Variants in SMYD4 observed in about 807,000 individuals in gnomAD.
The protein encoded by SMYD4 is protein-lysine N-methyltransferase SMYD4.
In SMYD4, 68 loss-of-function variants were observed where a neutral mutation model predicts 72.8. That is an observed-to-expected ratio of 0.93 (90% CI 0.77 to 1.14). The LOEUF is 1.14. Ranked by LOEUF, SMYD4 falls within the 50% of genes most tolerant of loss-of-function variation. The pLI is 0.00. For synonymous variants in SMYD4, 407 were observed against 388.6 expected (o/e 1.05, Z -0.56); for missense variants, 984 against 1,003.7 (o/e 0.98, Z 0.27).
At chr17:1,792,106 G>A (rs1454655615) in intron 5 of SMYD4, among the ~76,000 whole-genome samples, 1 of 151,550 alleles carries the variant, frequency 6.6e-6, no homozygotes, top group Non-Finnish European at 1.5e-5. Context: ...GCAGGGGCGC[G>A]ATCGCGGCTC....
At chr17:1,826,217 G>C (rs568252334) in intron 2 of SMYD4, among the ~76,000 whole-genome samples, 1 of 152,166 alleles carries the variant, frequency 6.6e-6, no homozygotes, top group Non-Finnish European at 1.5e-5. Context: ...GGGGGGCCGG[G>C]CGCAGTGGCT....
At chr17:1,827,444 G>A (rs777755303) in intron 2 of SMYD4, among the ~76,000 whole-genome samples, 1 of 151,434 alleles carries the variant, frequency 6.6e-6, no homozygotes, top group Non-Finnish European at 1.5e-5. Flanking sequence ...AGTCAAAAGA[G>A]CACACACATA....
intron 2 of SMYD4, among the ~76,000 whole-genome samples, chr17:1,822,115 T>C (rs1040153393): frequency 1.3e-5 from 2 of 151,208 alleles, no homozygotes; most frequent in East Asian, 1.9e-4. Flanking sequence ...ATGCCTGTAA[T>C]CCCAGCTACT....
rs991893991 is a variant in SMYD4 at position 1,808,567 on chromosome 17, A to G, written c.279+3404T>C. ...TTACAATCAGACAAAAACAACAAAT[A>G]TTTTTAAAAAGAAAGAAAATAGCAG... On this transcript the variant is annotated intron_variant, in intron 3 of 10. Coordinates refer to ENST00000305513, the MANE Select transcript of SMYD4 (RefSeq NM_052928.3). Among the ~76,000 whole-genome samples, 11 of 152,162 alleles carry G rather than the reference A, an allele frequency of 7.2e-5. 1 individual carries two copies. The highest frequency in any genetic ancestry group is 7.2e-4 in the Admixed American group (11 of 15,250).
chr17:1,800,270 C>A lies in SMYD4; in HGVS notation c.1124G>T (p.Ser375Ile). 1 of 1,614,168 alleles carries A rather than the reference C, an allele frequency of 6.2e-7. No individual in the cohort carries two copies. The highest frequency in any genetic ancestry group is 8.5e-7 in the Non-Finnish European group (1 of 1,180,044). The change falls in exon 5 of 11, where the codon AGT (serine) becomes ATT (isoleucine). Residue 375 changes from serine (S) to isoleucine (I), a missense_variant. Transcript: ENST00000305513. ...TTCAGGTAAACAGATGTCCTTGTTA[C>A]TAATCTTATCACAAAGCTTCGTTAT... ...KIITKLCDKI[S>I]NKDICLPESN...
chr17:1,785,850 G>C (rs1908660273), intron 7 of SMYD4, among the ~76,000 whole-genome samples: 1 of 151,968 alleles, frequency 6.6e-6, no homozygotes, highest in Non-Finnish European at 1.5e-5. Context: ...TCCAAGTTTA[G>C]CTTTCTAACA....
chr17:1,824,973 C>A (rs988875661), intron 2 of SMYD4, among the ~76,000 whole-genome samples: 1 of 152,140 alleles, frequency 6.6e-6, no homozygotes, highest in African/African-American at 2.4e-5. Context: ...CAGCACTTCT[C>A]CTTCCTGCCA....
chr17:1,784,820 A>G (rs1191410034), intron 7 of SMYD4, among the ~76,000 whole-genome samples: 2 of 151,920 alleles, frequency 1.3e-5, no homozygotes, highest in East Asian at 2.0e-4. Context: ...TCCAGGCTGG[A>G]GTGCAGTGGT....
chr17:1,797,854 T>C (rs2151231367), intron 5 of SMYD4, among the ~76,000 whole-genome samples: 1 of 151,852 alleles, frequency 6.6e-6, no homozygotes, highest in East Asian at 2.0e-4. Flanking sequence ...ATACAAAAAT[T>C]AGCTGGGCGT....
intron 5 of SMYD4, among the ~76,000 whole-genome samples, chr17:1,799,131 C>T (rs769531725): frequency 1.6e-3 from 239 of 149,232 alleles, no homozygotes; most frequent in Middle Eastern, 7.4e-3. Context: ...TGGTGGCGGG[C>T]GCCTGTAGTC....
intron 2 of SMYD4, among the ~76,000 whole-genome samples, chr17:1,820,967 A>G (rs1006894942): frequency 1.3e-5 from 2 of 152,194 alleles, no homozygotes; most frequent in African/African-American, 4.8e-5. Flanking sequence ...TAGCTCTTTG[A>G]GCTAACTTGT....
chr17:1,795,860 T>TA lies in SMYD4; in HGVS notation c.1537+3996dup, dbSNP rs1909382480. Among the ~76,000 whole-genome samples, 2 of 152,004 alleles carry TA rather than the reference T, an allele frequency of 1.3e-5. 1 individual carries two copies. Among genetic ancestry groups the TA allele is most frequent in the South Asian group, 4.1e-4 (2 of 4,822 alleles). ...CTGTGTGAATAAGTGTTTTTAATGT[T>TA]AAAAAATCAGAAAAGTTCAAAGAAG... On this transcript the variant is annotated intron_variant, in intron 5 of 10. Coordinates refer to ENST00000305513, the MANE Select transcript of SMYD4 (RefSeq NM_052928.3).
chr17:1,817,933 G>A (rs959922434), intron 2 of SMYD4, among the ~76,000 whole-genome samples: 5 of 151,298 alleles, frequency 3.3e-5, no homozygotes, highest in South Asian at 2.1e-4. Context: ...TGTAGTCCCA[G>A]CTACTCGGGA....
rs1369926100 is a variant in SMYD4 at position 1,800,543 on chromosome 17, T to C, written c.851A>G (p.Lys284Arg). ...LPPPHHGLDS[K>R]WDTRVTNGDL... ...CCCATTGGTGACTCTGGTGTCCCAT[T>C]TGCTGTCTAGGCCGTGATGCGGTGG... is the stretch of plus-strand genomic sequence containing the variant. Residue 284 changes from lysine to arginine, a missense_variant, in exon 5 of 11, where the codon AAA becomes AGA. Physicochemically the swap from Lys to Arg is conservative, Grantham distance 26. Coordinates refer to ENST00000305513, the MANE Select transcript of SMYD4 (RefSeq NM_052928.3). 1.9e-6 allele frequency: 3 copies of C among 1,614,180 alleles called. No homozygotes were observed. Among genetic ancestry groups the C allele is most frequent in the Non-Finnish European group, 2.5e-6 (3 of 1,180,038 alleles).
chr17:1,800,935 C>G lies in SMYD4; in HGVS notation c.459G>C (p.Leu153=). The change falls in exon 5 of 11, where the codon CTG becomes CTC. Residue 153 remains leucine (L), a synonymous_variant. Transcript: ENST00000305513. The part of the protein sequence containing the change: ...PKIMLRKAEC[L]VALGRLQEAS... ...CCTCCTGCAGTCTCCCCAGGGCCAC[C>G]AGACATTCTGCTTTACGTAACATAA... 1.9e-6 allele frequency: 3 copies of G among 1,614,178 alleles called. No homozygotes were observed. The highest frequency in any genetic ancestry group is 2.5e-6 in the Non-Finnish European group (3 of 1,180,038).
At chr17:1,788,870 G>C (rs914333646) in intron 5 of SMYD4, among the ~76,000 whole-genome samples, 1 of 152,164 alleles carries the variant, frequency 6.6e-6, no homozygotes, top group Non-Finnish European at 1.5e-5. Flanking sequence ...AAAGCCATCT[G>C]TCCTAGGAGT....
intron 5 of SMYD4, among the ~76,000 whole-genome samples, chr17:1,788,554 A>G (rs573422476): frequency 9.9e-5 from 15 of 151,588 alleles, no homozygotes; most frequent in East Asian, 5.9e-4. Flanking sequence ...GACCATCCTG[A>G]CTAACACGGT....
At chr17:1,794,933 C>T (rs1909310469) in intron 5 of SMYD4, among the ~76,000 whole-genome samples, 1 of 152,068 alleles carries the variant, frequency 6.6e-6, no homozygotes. Context: ...TTTCATATCC[C>T]TCCGAATTAA....
At chr17:1,790,097 C>T (rs189708660) in intron 5 of SMYD4, among the ~76,000 whole-genome samples, 2 of 152,306 alleles carry the variant, frequency 1.3e-5, no homozygotes, top group East Asian at 3.9e-4. Flanking sequence ...AACAATTTGT[C>T]GTCTGAATAA....
Sources: allele counts gnomAD v4.1 joint callset (sites outside exome capture counted in the v4.1 genomes callset), GRCh38; gene constraint gnomAD v4.1.1; transcripts MANE v1.5; gene names NCBI Gene and HGNC (gene_info 2026-07-23, HGNC 2026-07-21).